CCNB1IP1: variants seen among roughly 807,000 people sequenced by gnomAD.
CCNB1IP1 encodes cyclin B1 interacting protein 1.
A neutral mutation model predicts 25.6 loss-of-function variants in CCNB1IP1; 14 were observed. The ratio of observed to expected loss-of-function variants is 0.55; its 90% CI spans 0.36 to 0.85. The LOEUF is 0.85. Ranked by LOEUF, CCNB1IP1 falls within the 40% of genes least tolerant of loss-of-function variation. The pLI, the probability that CCNB1IP1 is intolerant of heterozygous loss-of-function variation, is 0.01. For synonymous variants in CCNB1IP1, 119 were observed against 116.1 expected, an observed-to-expected ratio of 1.02 and a Z score of -0.16; for missense variants, 278 against 342.4, an observed-to-expected ratio of 0.81 and a Z score of 1.48.
intron 1 of CCNB1IP1, among the ~76,000 whole-genome samples, chr14:20,332,005 C>CATATATATAT (rs1555314509): frequency 2.1e-4 from 14 of 66,562 alleles, no homozygotes; most frequent in African/African-American, 9.8e-4. Flanking sequence ...GATGTGTATA[C>CATATATATAT]ATATATATAT....
chr14:20,322,894 A>T (rs1188440695), intron 4 of CCNB1IP1, among the ~76,000 whole-genome samples: 1 of 152,142 alleles, frequency 6.6e-6, no homozygotes, highest in East Asian at 1.9e-4. Flanking sequence ...AAGTGCTGGG[A>T]TTATAGGTGT....
At chr14:20,322,054 G>T (rs1882911770) in intron 4 of CCNB1IP1, among the ~76,000 whole-genome samples, 1 of 152,292 alleles carries the variant, frequency 6.6e-6, no homozygotes, top group African/African-American at 2.4e-5. Context: ...TAAATATCAA[G>T]TAAGATTGTA....
In CCNB1IP1 at chr14:20,311,419, C is replaced by T. The variant is rs901204524; in HGVS notation, c.*131G>A. The T allele has an allele frequency of 2.0e-5, 14 of 695,368 alleles. No individual in the cohort carries two copies. Among genetic ancestry groups the T allele is most frequent in the Non-Finnish European group, 3.5e-5 (14 of 398,154 alleles). 43.1% of individuals were successfully genotyped at this position (695,368 alleles called of 1,614,324 possible). A position where few individuals can be genotyped will look rare whatever the true frequency, so the allele number is the denominator to read the frequency against. On this transcript the variant is annotated 3_prime_UTR_variant, in exon 7 of 7. Transcript: ENST00000358932. ...TTTTTTTTAGAAACAGGGTCTCACT[C>T]TGTTGCCCAGGCTGGAGTGCAGTGG...
chr14:20,323,917 CAAAAAA>C (rs59156707), intron 4 of CCNB1IP1, among the ~76,000 whole-genome samples: 3 of 73,718 alleles, frequency 4.1e-5, no homozygotes, highest in African/African-American at 1.7e-4. Flanking sequence ...GACTCCGTCT[CAAAAAA>C]AAAAAAAAAA....
chr14:20,315,321 T>C (rs1274047696), intron 5 of CCNB1IP1, among the ~76,000 whole-genome samples: 2 of 152,118 alleles, frequency 1.3e-5, no homozygotes, highest in Admixed American at 6.5e-5. Context: ...GAATTCTCAT[T>C]CATTGCTGCT....
intron 5 of CCNB1IP1, chr14:20,315,683 G>A: frequency 8.2e-7 from 1 of 1,226,778 alleles, no homozygotes; most frequent in Non-Finnish European, 1.1e-6. Flanking sequence ...GCTTATCATA[G>A]CATTTTAATA....
intron 2 of CCNB1IP1, among the ~76,000 whole-genome samples, chr14:20,327,118 C>A (rs924476352): frequency 6.6e-6 from 1 of 151,824 alleles, no homozygotes; most frequent in South Asian, 2.1e-4. Flanking sequence ...AAAAAAAAAC[C>A]GAGCAGGACC....
In CCNB1IP1 at chr14:20,315,715, C is replaced by T. The variant is rs115343808; in HGVS notation, c.297+512G>A. On this transcript the variant is annotated intron_variant, in intron 5 of 6. Transcript: ENST00000358932. Reference sequence around the variant, plus strand: ...AATAACTTGGAAATAAATTATGATACAATATAACCATTAAAATATGATTAT... The same window carrying T: ...AATAACTTGGAAATAAATTATGATATAATATAACCATTAAAATATGATTAT... The T allele has an allele frequency of 2.5e-3, 2,929 of 1,194,756 alleles. 51 individuals carry two copies. In the African/African-American group the frequency reaches 0.043, roughly 17 times the overall value. The allele number at this position is 1,194,756 out of a possible 1,614,324, so 74.0% of individuals were successfully genotyped here.
rs1008272302 is a variant in CCNB1IP1, at chr14:20,329,295, AG to A, written c.-353del. Reference sequence around the variant, plus strand: ...CCAAATCCAAGCCCATATGATTTTCAGGGGGTCTACAGATGGGCCAGTTCTG... The same window carrying A: ...CCAAATCCAAGCCCATATGATTTTCAGGGGTCTACAGATGGGCCAGTTCTG... On this transcript the variant is annotated 5_prime_UTR_variant, in exon 2 of 7. An upstream open reading frame in the 5' UTR loses its in-frame stop. Coordinates refer to ENST00000358932, the MANE Select transcript of CCNB1IP1 (RefSeq NM_021178.5). The A allele has an allele frequency of 6.6e-6, 1 of 152,214 alleles. No individual in the cohort carries two copies. The highest frequency in any genetic ancestry group is 1.5e-5 in the Non-Finnish European group (1 of 68,022). 9.4% of individuals were successfully genotyped at this position (152,214 alleles called of 1,614,324 possible). A position where few individuals can be genotyped will look rare whatever the true frequency, so the allele number is the denominator to read the frequency against.
chr14:20,326,377 T>G (rs1249401085), intron 3 of CCNB1IP1: 4 of 451,976 alleles, frequency 8.9e-6, no homozygotes, highest in Admixed American at 2.7e-5. Context: ...AAGAATTACC[T>G]GGGATTACAG....
intron 4 of CCNB1IP1, chr14:20,317,698 G>A (rs561506255): frequency 6.6e-6 from 1 of 152,342 alleles, no homozygotes; most frequent in East Asian, 1.9e-4. Flanking sequence ...TGAGGGGCAA[G>A]TTTTAGAGAA....
At chr14:20,329,902 C>T (rs185858586) in intron 1 of CCNB1IP1, among the ~76,000 whole-genome samples, 1 of 151,360 alleles carries the variant, frequency 6.6e-6, no homozygotes, top group Non-Finnish European at 1.5e-5. Flanking sequence ...TAAACTTCAG[C>T]TGTCCCCTCT....
chr14:20,326,518 T>C lies in CCNB1IP1; in HGVS notation c.-153+198A>G, dbSNP rs763355213. ...CACGGACTTAACATGCATTTCATCA[T>C]GGCAAACTGTAAATGACTGAGGAAG... On this transcript the variant is annotated intron_variant, in intron 3 of 6. Coordinates refer to ENST00000358932, the MANE Select transcript of CCNB1IP1 (RefSeq NM_021178.5). 11 of 534,664 alleles carry C rather than the reference T, an allele frequency of 2.1e-5. No homozygotes were observed. The East Asian group carries it at 5.4e-4, about 26-fold the overall frequency. 33.1% of individuals were successfully genotyped at this position (534,664 alleles called of 1,614,324 possible). A position where few individuals can be genotyped will look rare whatever the true frequency, so the allele number is the denominator to read the frequency against.
rs1882576145 is a variant in CCNB1IP1 at position 20,313,583 on chromosome 14, T to C, written c.516A>G (p.Gln172=). 1.2e-6 allele frequency: 2 copies of C among 1,614,252 alleles called. No individual in the cohort carries two copies. Among genetic ancestry groups the C allele is most frequent in the Non-Finnish European group, 1.7e-6 (2 of 1,180,042 alleles). Residue 172 remains glutamine, a synonymous_variant, in exon 6 of 7, where the codon CAA becomes CAG. Coordinates refer to ENST00000358932, the MANE Select transcript of CCNB1IP1 (RefSeq NM_021178.5). ...GGCTATCATAGAGGCCTTGGAGCTT[T>C]TGATACTGACGATTGCGCTCCATAA... ...EKLMERNRQY[Q]KLQGLYDSLR...
chr14:20,316,882 C>T (rs1425192445), intron 4 of CCNB1IP1, among the ~76,000 whole-genome samples: 2 of 152,158 alleles, frequency 1.3e-5, no homozygotes, highest in Admixed American at 6.5e-5. Context: ...CCAAGGCAGG[C>T]GGGGTCCCTT....
chr14:20,315,874 T>C (rs1882674067), intron 5 of CCNB1IP1: 4 of 607,262 alleles, frequency 6.6e-6, no homozygotes, highest in Non-Finnish European at 1.0e-5. Context: ...GAAAACCCCG[T>C]CTCAAAAGGA....
At chr14:20,315,473 G>C in intron 5 of CCNB1IP1, 1 of 1,117,622 alleles carries the variant, frequency 8.9e-7, no homozygotes, top group Non-Finnish European at 1.1e-6. Flanking sequence ...GCATGTAAGA[G>C]AAACAACTTA....
intron 2 of CCNB1IP1, among the ~76,000 whole-genome samples, chr14:20,327,507 C>T (rs1883112021): frequency 1.3e-5 from 2 of 150,456 alleles, no homozygotes; most frequent in African/African-American, 2.4e-5. Context: ...CCTCTTCCAG[C>T]ATTTGCGTGT....
chr14:20,332,026 A>ATTT (rs57345952), intron 1 of CCNB1IP1, among the ~76,000 whole-genome samples: 19 of 40,738 alleles, frequency 4.7e-4, no homozygotes, highest in East Asian at 1.7e-3. Flanking sequence ...ATATATATAT[A>ATTT]TTTTTTTTTT....
Sources: allele counts gnomAD v4.1 joint callset (sites outside exome capture counted in the v4.1 genomes callset), GRCh38; gene constraint gnomAD v4.1.1; transcripts MANE v1.5; gene names NCBI Gene and HGNC (gene_info 2026-07-23, HGNC 2026-07-21).